ETV6: variants seen among roughly 807,000 people sequenced by gnomAD.
The protein encoded by ETV6 is transcription factor ETV6.
A neutral mutation model predicts 51.1 loss-of-function variants in ETV6; 16 were observed. The ratio of observed to expected loss-of-function variants is 0.31; its 90% confidence interval spans 0.21 to 0.48. ETV6 has a LOEUF of 0.48. Among genes scored for constraint, ETV6 ranks in the 20% least tolerant of loss-of-function variants. ETV6 has a pLI of 0.99. For missense variants in ETV6, 458 were observed against 594.8 expected (o/e 0.77, Z 2.39); for synonymous variants, 240 against 224.1 (o/e 1.07, Z -0.64).
chr12:11,858,404 A>ATAT (rs1311155717), intron 4 of ETV6, among the ~76,000 whole-genome samples: 218 of 149,970 alleles, frequency 1.5e-3, no homozygotes, highest in African/African-American at 5.0e-3. Flanking sequence ...ATATATATAT[A>ATAT]TTTTTTTTTA....
At chr12:11,810,125 G>T (rs1446544157) in intron 2 of ETV6, among the ~76,000 whole-genome samples, 3 of 152,046 alleles carry the variant, frequency 2.0e-5, no homozygotes, top group African/African-American at 7.2e-5. Flanking sequence ...GGCTGGAATG[G>T]AGCATTTTAC....
chr12:11,769,968 T>A (rs1555126639), intron 2 of ETV6, among the ~76,000 whole-genome samples: 1 of 151,972 alleles, frequency 6.6e-6, no homozygotes, highest in Non-Finnish European at 1.5e-5. Flanking sequence ...AGGAGGATGG[T>A]ACAGACAGAG....
Position 11,803,246 on chromosome 12 carries a change from A to G in ETV6, c.164-35894A>G, listed in dbSNP as rs188393490. 6.0e-4 allele frequency among the ~76,000 whole-genome samples: 91 copies of G among 152,362 alleles called. 2 individuals carry two copies. In the South Asian group the frequency reaches 0.011, roughly 18 times the overall value. On this transcript the variant is annotated intron_variant, in intron 2 of 7. Coordinates refer to ENST00000396373, the MANE Select transcript of ETV6 (RefSeq NM_001987.5). ...TGTCTTTAGGTGGACTTTTGAGATT[A>G]TATTCCTGGTCCACATTGCAAATTA...
At chr12:11,848,617 T>A (rs772316447) in intron 3 of ETV6, among the ~76,000 whole-genome samples, 2 of 152,262 alleles carry the variant, frequency 1.3e-5, no homozygotes, top group Non-Finnish European at 2.9e-5. Flanking sequence ...TGTGCGTGTG[T>A]GTGCGCACGC....
chr12:11,881,771 A>G (rs1283008061), intron 5 of ETV6, among the ~76,000 whole-genome samples: 1 of 152,236 alleles, frequency 6.6e-6, no homozygotes, highest in Non-Finnish European at 1.5e-5. Flanking sequence ...CAAGACAAGG[A>G]GATGCTTACA....
chr12:11,681,280 G>A (rs1864527293), intron 1 of ETV6, among the ~76,000 whole-genome samples: 2 of 152,000 alleles, frequency 1.3e-5, no homozygotes, highest in East Asian at 1.9e-4. Flanking sequence ...TGGGGTCTGT[G>A]GTCTTAAGTG....
intron 2 of ETV6, among the ~76,000 whole-genome samples, chr12:11,772,706 C>T (rs1363818948): frequency 6.6e-6 from 1 of 152,192 alleles, no homozygotes; most frequent in Non-Finnish European, 1.5e-5. Flanking sequence ...CACCATTCTG[C>T]ATGATTAAAA....
At chr12:11,881,468 G>A (rs1947092479) in intron 5 of ETV6, among the ~76,000 whole-genome samples, 1 of 152,200 alleles carries the variant, frequency 6.6e-6, no homozygotes, top group Non-Finnish European at 1.5e-5. Context: ...CCACAGTTCT[G>A]GGGGCTGGGG....
At chr12:11,707,813 C>G (rs1236201368) in intron 1 of ETV6, among the ~76,000 whole-genome samples, 1 of 152,174 alleles carries the variant, frequency 6.6e-6, no homozygotes, top group African/African-American at 2.4e-5. Context: ...TGGTTCTTCT[C>G]CGTCCAGTGA....
At chr12:11,872,118 G>A (rs767581482) in intron 5 of ETV6, among the ~76,000 whole-genome samples, 2 of 152,282 alleles carry the variant, frequency 1.3e-5, no homozygotes, top group East Asian at 1.9e-4. Context: ...TCTCAGGACC[G>A]CTCTTTAAGG....
At chr12:11,694,576 T>C (rs1292129433) in intron 1 of ETV6, among the ~76,000 whole-genome samples, 10 of 152,250 alleles carry the variant, frequency 6.6e-5, no homozygotes, top group Non-Finnish European at 1.2e-4. Flanking sequence ...TGCCTAAACA[T>C]GGCTCTCGCT....
rs367594605 is a variant in ETV6 at position 11,650,481 on chromosome 12, T to TAAAAAAAAAAAAAA, written c.33+322_33+335dup. Among the ~76,000 whole-genome samples, 43 of 43,322 alleles carry TAAAAAAAAAAAAAA rather than the reference T, an allele frequency of 9.9e-4. 3 individuals are homozygous for TAAAAAAAAAAAAAA. The highest frequency in any genetic ancestry group is 1.6e-3 in the African/African-American group (19 of 11,778). The allele number at this position is 43,322 out of a possible 152,430, so 28.4% of individuals were successfully genotyped here. A position where few individuals can be genotyped will look rare whatever the true frequency, so the allele number is the denominator to read the frequency against. Reference sequence around the variant, plus strand: ...AAAACACCCCCGTAATTAGTGCGCTTAAAAAAAAAAAAAACAAAAAACAAA... The same window carrying TAAAAAAAAAAAAAA: ...AAAACACCCCCGTAATTAGTGCGCTTAAAAAAAAAAAAAAAAAAAAAAAAAAAACAAAAAACAAA... On this transcript the variant is annotated intron_variant, in intron 1 of 7. Transcript: ENST00000396373.
chr12:11,814,795 G>T (rs1945967152), intron 2 of ETV6, among the ~76,000 whole-genome samples: 1 of 152,154 alleles, frequency 6.6e-6, no homozygotes, highest in Non-Finnish European at 1.5e-5. Flanking sequence ...GAATGCAGGG[G>T]TTAAGACAAA....
At chr12:11,664,453 T>C (rs1864158155) in intron 1 of ETV6, among the ~76,000 whole-genome samples, 2 of 152,226 alleles carry the variant, frequency 1.3e-5, no homozygotes, top group African/African-American at 4.8e-5. Flanking sequence ...CTAAGAGTCT[T>C]ATGAAGATAG....
chr12:11,662,264 A>T (rs562007526), intron 1 of ETV6, among the ~76,000 whole-genome samples: 6 of 152,208 alleles, frequency 3.9e-5, no homozygotes, highest in African/African-American at 1.2e-4. Flanking sequence ...AAAACAAAAA[A>T]CCTTAAAAAT....
At chr12:11,657,513 A>T (rs918187717) in intron 1 of ETV6, among the ~76,000 whole-genome samples, 1 of 152,264 alleles carries the variant, frequency 6.6e-6, no homozygotes, top group African/African-American at 2.4e-5. Context: ...AATGGTTGGC[A>T]TAAGAATAAT....
At chr12:11,707,384 C>T (rs142413425) in intron 1 of ETV6, among the ~76,000 whole-genome samples, 55 of 152,324 alleles carry the variant, frequency 3.6e-4, no homozygotes, top group African/African-American at 1.3e-3. Context: ...GGAATCGCAG[C>T]GCTTCTCTAC....
intron 1 of ETV6, among the ~76,000 whole-genome samples, chr12:11,701,469 G>A (rs919636132): frequency 3.9e-5 from 6 of 152,064 alleles, no homozygotes; most frequent in African/African-American, 1.2e-4. Context: ...TTCCTTTTTG[G>A]CAGCCATTGT....
chr12:11,809,086 C>T (rs1404172072), intron 2 of ETV6, among the ~76,000 whole-genome samples: 2 of 151,446 alleles, frequency 1.3e-5, no homozygotes, highest in South Asian at 2.1e-4. Context: ...GAATGACCTG[C>T]GCTCAGGAGG....
Sources: allele counts gnomAD v4.1 joint callset (sites outside exome capture counted in the v4.1 genomes callset), GRCh38; gene constraint gnomAD v4.1.1; transcripts MANE v1.5; gene names NCBI Gene and HGNC (gene_info 2026-07-23, HGNC 2026-07-21).